TTC39A: variants seen among roughly 807,000 people sequenced by gnomAD.
TTC39A encodes the protein tetratricopeptide repeat domain 39A.
A neutral mutation model predicts 82.3 loss-of-function variants in TTC39A; 46 were observed. That is an observed-to-expected ratio of 0.56 (90% CI 0.44 to 0.71). The LOEUF (loss-of-function observed/expected upper bound fraction) is 0.71, where lower values mean the gene tolerates loss of function less well. Among genes scored for constraint, TTC39A ranks in the 30% least tolerant of loss-of-function variants. TTC39A has a pLI of 0.00. For synonymous variants in TTC39A, 254 were observed against 275.2 expected (o/e 0.92, Z 0.76); for missense variants, 543 against 712.9 (o/e 0.76, Z 2.71).
At chr1:51,333,289 T>C (rs148331551), upstream of TTC39A, among the ~76,000 whole-genome samples, 2 of 150,078 alleles carry the variant, frequency 1.3e-5, no homozygotes, top group African/African-American at 2.4e-5. Context: ...CACAAATGAA[T>C]TTCATGTTTA....
At chr1:51,305,691 C>G (rs1644841851) in intron 7 of TTC39A, 1 of 477,990 alleles carries the variant, frequency 2.1e-6, no homozygotes, top group Admixed American at 3.6e-5. Context: ...ATTGTGTGTG[C>G]CAAGGTCGGG....
At chr1:51,338,840 T>C (rs1646003943) in intron 1 of TTC39A, among the ~76,000 whole-genome samples, 1 of 152,060 alleles carries the variant, frequency 6.6e-6, no homozygotes, top group South Asian at 2.1e-4. Context: ...TGACCTCAAG[T>C]GATCCACCCG....
Position 51,301,678 on chromosome 1 carries a change from T to C in TTC39A, c.947A>G (p.His316Arg). The C allele has an allele frequency of 6.2e-7, 1 of 1,613,508 alleles. No homozygotes were observed. The part of the protein sequence containing the change: ...CEAQQHWKQF[H>R]HMCYWELMWC... ...CATCAGCTCCCAGTAGCACATGTGG[T>C]GGAACTGCTTCCAGTGCTGCTGGGC... Residue 316 changes from histidine (H) to arginine (R), a missense_variant, in exon 12 of 18, where the codon CAC becomes CGC. Physicochemically the swap from His to Arg is conservative, Grantham distance 29 (BLOSUM62 0). Coordinates refer to ENST00000680483, the MANE Select transcript of TTC39A (RefSeq NM_001297663.2).
At position 51,327,260 on chromosome 1, in the gene TTC39A, C is replaced by A. The variant is rs557707844; in HGVS notation, c.41+3177G>T. Among the ~76,000 whole-genome samples the A allele has an allele frequency of 6.4e-3, 976 of 152,336 alleles. 2 individuals carry two copies. Among genetic ancestry groups the A allele is most frequent in the Non-Finnish European group, 0.011 (717 of 68,030 alleles). ...GAGCGGTCGCTCAGGAAGCCAACTG[C>A]AGTCAGAGCTGGATTTTAATCCCTG... is the stretch of plus-strand genomic sequence containing the variant. On this transcript the variant is annotated intron_variant, in intron 1 of 17. Transcript: ENST00000680483.
At chr1:51,331,396 C>T (rs1037577617), upstream of TTC39A, 8 of 1,462,570 alleles carry the variant, frequency 5.5e-6, no homozygotes, top group Admixed American at 2.3e-5. Context: ...CTCCTGGCCC[C>T]AGATGCTGCT....
At chr1:51,343,211 C>T (rs1212446608) in intron 1 of TTC39A, 49 of 370,868 alleles carry the variant, frequency 1.3e-4, no homozygotes, top group South Asian at 7.5e-4. Flanking sequence ...ACAAATGAGC[C>T]CTGTCTCCTT....
intron 1 of TTC39A, chr1:51,344,938 G>C: frequency 6.6e-7 from 1 of 1,520,894 alleles, no homozygotes; most frequent in Non-Finnish European, 8.8e-7. Flanking sequence ...GTCCTCCGGC[G>C]GCCCCTTGGT....
intron 7 of TTC39A, chr1:51,305,392 G>A (rs1644831189): frequency 2.3e-6 from 1 of 432,396 alleles, no homozygotes; most frequent in South Asian, 2.2e-5. Context: ...AGGTTCCTGA[G>A]GCTAAATCTT....
At chr1:51,336,645 G>GGACT (rs982635257) in intron 1 of TTC39A, among the ~76,000 whole-genome samples, 10 of 152,126 alleles carry the variant, frequency 6.6e-5, no homozygotes, top group Non-Finnish European at 1.3e-4. Flanking sequence ...AGATCTGGAT[G>GGACT]GACTCCTGGC....
intron 16 of TTC39A, 57 bp downstream of exon 16, chr1:51,289,948 C>T: frequency 6.8e-7 from 1 of 1,481,400 alleles, no homozygotes; most frequent in Admixed American, 2.0e-5. Flanking sequence ...TGGAGAAGCC[C>T]TGAATATTCT....
At chr1:51,296,039 G>A (rs1242693757) in intron 13 of TTC39A, 40 bp downstream of exon 13, 2 of 1,548,328 alleles carry the variant, frequency 1.3e-6, no homozygotes, top group Admixed American at 2.0e-5. Context: ...CCTACACGGT[G>A]GGAGTGGCCT....
rs1644333293 is a variant in TTC39A at position 51,294,379 on chromosome 1, C to A, written c.1266+12G>T. On this transcript the variant is annotated intron_variant, in intron 14 of 17. Transcript: ENST00000680483. This position sits in a 1 kb window ranked among gnomAD's most constrained non-coding sequence, Gnocchi z 4.3. The stretch of plus-strand genomic sequence containing the variant: ...ACCCGGAGGGCAGCGCCAGTCCAGA[C>A]CTCCTACCCACCAGAGCAGGCACTG... The A allele has an allele frequency of 6.2e-7, 1 of 1,613,956 alleles. No homozygotes were observed. The highest frequency in any genetic ancestry group is 8.5e-7 in the Non-Finnish European group (1 of 1,179,884).
intron 1 of TTC39A, chr1:51,322,148 C>A: frequency 3.9e-6 from 6 of 1,551,228 alleles, no homozygotes; most frequent in Non-Finnish European, 5.2e-6. Flanking sequence ...GTCTTTGTGG[C>A]CCTTCTGGCC....
At chr1:51,311,096 G>C (rs1645065671) in intron 5 of TTC39A, among the ~76,000 whole-genome samples, 158 bp downstream of exon 5, 2 of 152,258 alleles carry the variant, frequency 1.3e-5, no homozygotes, top group South Asian at 4.1e-4. Flanking sequence ...AGCCCCGCCA[G>C]GGGCAGGAGT....
In TTC39A at chr1:51,312,795, C is replaced by A. The variant is rs773059284; in HGVS notation, c.278+17G>T. ...TGGGCCTCCCAACCTCTGATCCCTG[C>A]CCCCAATGCCCCCAACCTCTGACAC... is the stretch of plus-strand genomic sequence containing the variant. On this transcript the variant is annotated intron_variant, in intron 3 of 17. Coordinates refer to ENST00000680483, the MANE Select transcript of TTC39A (RefSeq NM_001297663.2). 6.2e-7 allele frequency: 1 copy of A among 1,610,580 alleles called. No homozygotes were observed. The highest frequency in any genetic ancestry group is 1.3e-5 in the African/African-American group (1 of 74,886).
intron 1 of TTC39A, among the ~76,000 whole-genome samples, chr1:51,339,802 C>T (rs1557751657): frequency 6.6e-6 from 1 of 152,200 alleles, no homozygotes; most frequent in Non-Finnish European, 1.5e-5. Flanking sequence ...ATAGCCTGGC[C>T]TCAGCCGAGC....
chr1:51,307,571 T>C (rs1644917538), intron 6 of TTC39A, among the ~76,000 whole-genome samples: 1 of 151,814 alleles, frequency 6.6e-6, no homozygotes, highest in Non-Finnish European at 1.5e-5. Flanking sequence ...CCATCTCTAC[T>C]AAAAATACAA....
chr1:51,296,806 C>A, intron 12 of TTC39A: 1 of 157,388 alleles, frequency 6.4e-6, no homozygotes, highest in Non-Finnish European at 1.4e-5. Flanking sequence ...TTCCTGGGAC[C>A]CCAGAGCTAC....
Position 51,296,162 on chromosome 1 carries a change from G to A in TTC39A, c.1062C>T (p.Tyr354=). 6.3e-7 allele frequency: 1 copy of A among 1,592,834 alleles called. No individual in the cohort carries two copies. Among genetic ancestry groups the A allele is most frequent in the Non-Finnish European group, 8.5e-7 (1 of 1,169,866 alleles). ...SKENCWSKAT[Y]IYMKAAYLSM... is the part of the protein sequence containing the mutation. ...TGAGGTAGGCGGCCTTCATGTAAATGTAGGTGGCCTGTGCGAGACAGAGCA... is the reference window on the plus strand; with the variant it reads ...TGAGGTAGGCGGCCTTCATGTAAATATAGGTGGCCTGTGCGAGACAGAGCA... Residue 354 remains tyrosine, a synonymous_variant, in exon 13 of 18, where the codon TAC becomes TAT. Coordinates refer to ENST00000680483, the MANE Select transcript of TTC39A (RefSeq NM_001297663.2).
Sources: gnomAD v4.1 joint callset for allele counts (sites outside exome capture counted in the v4.1 genomes callset) on GRCh38, gnomAD v4.1.1 for gene constraint, Gnocchi (gnomAD v3.1) non-coding constraint, MANE v1.5 for transcripts, NCBI Gene and HGNC (gene_info 2026-07-23, HGNC 2026-07-21) for gene names.